Variants in ACYP2 observed in about 807,000 individuals in gnomAD.
ACYP2 encodes the protein acylphosphatase 2.
In ACYP2, 12 loss-of-function variants were observed where a neutral mutation model predicts 11.2. The observed-to-expected ratio is 1.08, with a 90% CI of 0.69 to 1.74. ACYP2 has a LOEUF of 1.74. Among genes scored for constraint, ACYP2 ranks in the 40% most tolerant of loss-of-function variants. The pLI, the probability that ACYP2 is intolerant of heterozygous loss-of-function variation, is 0.00. For missense variants in ACYP2, 134 were observed against 101.9 expected (o/e 1.31, Z -1.35); for synonymous variants, 43 against 32.2 (o/e 1.33, Z -1.13).
chr2:54,227,501 A>G (rs1004054673), intron 6 of ACYP2, among the ~76,000 whole-genome samples: 6 of 151,972 alleles, frequency 3.9e-5, no homozygotes, highest in African/African-American at 1.2e-4. Flanking sequence ...TATCCGGTTC[A>G]TGGTGGCGCG....
At chr2:54,143,480 C>G (rs910813655) in intron 6 of ACYP2, among the ~76,000 whole-genome samples, 3 of 152,142 alleles carry the variant, frequency 2.0e-5, no homozygotes, top group Non-Finnish European at 4.4e-5. Context: ...GTTGCCCACG[C>G]TGGAGTGCAA....
intron 4 of ACYP2, among the ~76,000 whole-genome samples, chr2:54,087,782 G>A (rs1678016267): frequency 6.6e-6 from 1 of 152,190 alleles, no homozygotes; most frequent in Middle Eastern, 3.2e-3. Flanking sequence ...TGGATAGGTA[G>A]CAGGACATTA....
intron 6 of ACYP2, among the ~76,000 whole-genome samples, chr2:54,143,581 A>G (rs1288610198): frequency 2.0e-5 from 3 of 151,740 alleles, no homozygotes; most frequent in East Asian, 1.9e-4. Flanking sequence ...TTACAGGCAT[A>G]TGCCACCACT....
intron 6 of ACYP2, among the ~76,000 whole-genome samples, chr2:54,295,540 C>T (rs1689488092): frequency 6.6e-6 from 1 of 152,120 alleles, no homozygotes; most frequent in African/African-American, 2.4e-5. Flanking sequence ...TCCTCCCACG[C>T]ATGGAAGCTG....
chr2:54,129,838 A>G (rs1027779153), intron 4 of ACYP2, among the ~76,000 whole-genome samples: 1 of 148,576 alleles, frequency 6.7e-6, no homozygotes, highest in Non-Finnish European at 1.5e-5. Context: ...TTCACAATAT[A>G]CATTAACAAT....
At chr2:54,250,680 T>C (rs1054043220) in intron 6 of ACYP2, among the ~76,000 whole-genome samples, 1 of 152,232 alleles carries the variant, frequency 6.6e-6, no homozygotes, top group African/African-American at 2.4e-5. Context: ...ATTGTTTTTA[T>C]ACTCTACTCT....
At chr2:54,178,797 G>T (rs1316541079) in intron 6 of ACYP2, among the ~76,000 whole-genome samples, 1 of 152,224 alleles carries the variant, frequency 6.6e-6, no homozygotes, top group African/African-American at 2.4e-5. Flanking sequence ...TTTAAGGAAA[G>T]AGAGTAAGAT....
chr2:54,072,794 C>G (rs1677135235), intron 4 of ACYP2, among the ~76,000 whole-genome samples: 1 of 152,062 alleles, frequency 6.6e-6, no homozygotes, highest in Admixed American at 6.6e-5. Flanking sequence ...AACTCCTGAC[C>G]TCAAATGATC....
At chr2:54,047,313 A>G (rs1271670690) in intron 2 of ACYP2, among the ~76,000 whole-genome samples, 1 of 152,254 alleles carries the variant, frequency 6.6e-6, no homozygotes, top group African/African-American at 2.4e-5. Flanking sequence ...CATGCATGGC[A>G]TATTTCTTAT....
chr2:54,224,790 T>G (rs860057), intron 6 of ACYP2, among the ~76,000 whole-genome samples: 88,554 of 152,056 alleles, frequency 0.58, 26,227 homozygotes, highest in African/African-American at 0.69. Flanking sequence ...TTCGTTATCT[T>G]TTAAATAAGT....
At chr2:54,278,555 T>C (rs1233282407) in intron 6 of ACYP2, among the ~76,000 whole-genome samples, 1 of 152,224 alleles carries the variant, frequency 6.6e-6, no homozygotes, top group African/African-American at 2.4e-5. Context: ...ATTCAGAGTC[T>C]GTGGGGAAAA....
Position 54,262,164 on chromosome 2 carries a change from C to A in ACYP2, c.405-42524C>A, listed in dbSNP as rs571609761. ...TAGACTAGCCCCAGAGTGTTTCAGC[C>A]AGGGGTGAGCAGAGCCACAGGCTTG... On this transcript the variant is annotated intron_variant, in intron 6 of 6. Transcript: ENST00000607452. Among the ~76,000 whole-genome samples, 181 of 152,270 alleles carry A rather than the reference C, an allele frequency of 1.2e-3. 4 individuals carry two copies. In the South Asian group the frequency reaches 0.037, roughly 31 times the overall value.
chr2:54,202,867 T>G (rs533129527), intron 6 of ACYP2, among the ~76,000 whole-genome samples: 71 of 151,792 alleles, frequency 4.7e-4, no homozygotes, highest in African/African-American at 1.5e-3. Flanking sequence ...TCTTGATTAC[T>G]GTAGTTTTAT....
chr2:54,279,741 A>G (rs1355542403), intron 6 of ACYP2, among the ~76,000 whole-genome samples: 1 of 151,786 alleles, frequency 6.6e-6, no homozygotes, highest in Non-Finnish European at 1.5e-5. Flanking sequence ...ATGGATGAAA[A>G]CTCTCCTGTA....
intron 6 of ACYP2, among the ~76,000 whole-genome samples, chr2:54,300,611 T>C (rs1314623327): frequency 1.3e-5 from 2 of 152,176 alleles, no homozygotes; most frequent in African/African-American, 2.4e-5. Flanking sequence ...TCCAATCTTG[T>C]CTCCTTTCCT....
chr2:54,245,715 T>C (rs895421580), intron 6 of ACYP2, among the ~76,000 whole-genome samples: 50 of 152,158 alleles, frequency 3.3e-4, no homozygotes, highest in Admixed American at 2.6e-3. Context: ...ATCAGATTTT[T>C]TTTTTTTTGC....
Position 54,048,676 on chromosome 2 carries a change from A to C in ACYP2, c.63-2282A>C, listed in dbSNP as rs957189933. On this transcript the variant is annotated intron_variant, in intron 2 of 6. Coordinates refer to ENST00000607452, the MANE Select transcript of ACYP2 (RefSeq NM_001320586.2). ...CCACCATGACCTACAACCATTTTTT[A>C]AGTGTATAGTTCAGTAGTATTAAAT... Among the ~76,000 whole-genome samples, 4 of 152,296 alleles carry C rather than the reference A, an allele frequency of 2.6e-5. No homozygotes were observed. In the South Asian group the frequency reaches 8.3e-4, roughly 32 times the overall value.
intron 2 of ACYP2, chr2:54,050,855 G>A (rs913284445): frequency 4.0e-5 from 15 of 373,302 alleles, no homozygotes; most frequent in Non-Finnish European, 6.2e-5. Context: ...GCTCACTGCA[G>A]CCTTGAACTC....
intron 6 of ACYP2, among the ~76,000 whole-genome samples, chr2:54,191,563 C>G (rs1684240932): frequency 6.6e-6 from 1 of 151,958 alleles, no homozygotes; most frequent in Non-Finnish European, 1.5e-5. Flanking sequence ...GTTTTCTCAT[C>G]TATAAAATGG....
Sources: allele counts gnomAD v4.1 joint callset (sites outside exome capture counted in the v4.1 genomes callset), GRCh38; gene constraint gnomAD v4.1.1; transcripts MANE v1.5; gene names NCBI Gene and HGNC (gene_info 2026-07-23, HGNC 2026-07-21).